The following ATP8B4 variants were observed in gnomAD, a reference collection of about 807,000 sequenced individuals.
The protein encoded by ATP8B4 is probable phospholipid-transporting ATPase IM.
Under a neutral mutation model 145.6 loss-of-function variants are expected in ATP8B4, and 133 were observed. The ratio of observed to expected loss-of-function variants is 0.91; its 90% confidence interval spans 0.79 to 1.05. The LOEUF is 1.05. ATP8B4 is among the 50% of genes least tolerant of loss of function. The pLI, the probability that ATP8B4 is intolerant of heterozygous loss-of-function variation, is 0.00. For missense variants in ATP8B4, 1,458 were observed against 1,425.2 expected, an observed-to-expected ratio of 1.02 and a Z score of -0.37; for synonymous variants, 507 against 492.9, an observed-to-expected ratio of 1.03 and a Z score of -0.38.
At chr15:50,047,541 C>G in intron 3 of ATP8B4, 77 bp from the exon 4 acceptor site, 1 of 899,790 alleles carries the variant, frequency 1.1e-6, no homozygotes, top group Non-Finnish European at 1.8e-6. Flanking sequence ...AACCTACAAG[C>G]CTGAGCCAGA....
intron 21 of ATP8B4, among the ~76,000 whole-genome samples, chr15:49,898,811 G>A (rs1368711441): frequency 6.6e-6 from 1 of 152,098 alleles, no homozygotes; most frequent in Non-Finnish European, 1.5e-5. Context: ...GCAAAAGGGG[G>A]GCACGCAAGC....
chr15:49,876,221 T>C (rs2034396420), intron 25 of ATP8B4, 57 bp downstream of exon 25: 2 of 1,566,944 alleles, frequency 1.3e-6, no homozygotes, highest in African/African-American at 1.4e-5. Flanking sequence ...CAATCAACAA[T>C]GAAATAGTAA....
chr15:49,957,892 A>C (rs1292684899), intron 14 of ATP8B4, among the ~76,000 whole-genome samples: 1 of 151,892 alleles, frequency 6.6e-6, no homozygotes, highest in African/African-American at 2.4e-5. Context: ...ACCTAAAAAA[A>C]TATAATTAAC....
intron 6 of ATP8B4, among the ~76,000 whole-genome samples, chr15:50,026,320 A>G (rs961638053): frequency 3.3e-5 from 5 of 152,220 alleles, no homozygotes; most frequent in African/African-American, 9.6e-5. Flanking sequence ...GTGGTACTCA[A>G]ACTTCAATGT....
At chr15:50,118,304 T>C (rs1020811888) in intron 1 of ATP8B4, among the ~76,000 whole-genome samples, 2 of 152,170 alleles carry the variant, frequency 1.3e-5, no homozygotes, top group African/African-American at 4.8e-5. Flanking sequence ...AAATATCACA[T>C]GTACCCCATA....
intron 26 of ATP8B4, 83 bp from the exon 27 acceptor site, chr15:49,862,458 T>C: frequency 1.4e-6 from 2 of 1,407,658 alleles, no homozygotes; most frequent in Non-Finnish European, 1.9e-6. Context: ...TCCTACAAGA[T>C]CTTTTTTTTT....
At chr15:50,080,835 C>T (rs1214127005) in intron 2 of ATP8B4, among the ~76,000 whole-genome samples, 1 of 151,978 alleles carries the variant, frequency 6.6e-6, no homozygotes, top group African/African-American at 2.4e-5. Context: ...CCTCATGGGC[C>T]GGGCGCAGTG....
intron 6 of ATP8B4, among the ~76,000 whole-genome samples, chr15:50,027,814 T>C (rs1191111671): frequency 1.3e-5 from 2 of 152,220 alleles, no homozygotes; most frequent in African/African-American, 2.4e-5. Context: ...ATTTTAAGTG[T>C]AATGAAATGT....
chr15:50,030,890 C>G (rs1385050437), intron 6 of ATP8B4, among the ~76,000 whole-genome samples: 2 of 152,120 alleles, frequency 1.3e-5, no homozygotes, highest in Non-Finnish European at 2.9e-5. Flanking sequence ...TGTATTCATG[C>G]AATATAATAA....
chr15:50,134,064 T>C (rs2044087846), intron 1 of ATP8B4, among the ~76,000 whole-genome samples: 1 of 152,214 alleles, frequency 6.6e-6, no homozygotes, highest in Non-Finnish European at 1.5e-5. Flanking sequence ...ACAATGTATA[T>C]GTATATCAAA....
intron 3 of ATP8B4, among the ~76,000 whole-genome samples, chr15:50,057,295 G>A (rs1311001924): frequency 6.6e-6 from 1 of 152,172 alleles, no homozygotes; most frequent in African/African-American, 2.4e-5. Context: ...AAAATCCAAT[G>A]AGCTGTGACT....
chr15:49,961,613 G>A (rs78994243), intron 14 of ATP8B4, among the ~76,000 whole-genome samples: 1,575 of 152,124 alleles, frequency 0.01, 15 homozygotes, highest in Non-Finnish European at 0.019. Context: ...TAAAAAGAAC[G>A]AGAAAGTACT....
chr15:50,046,697 A>G (rs1246650148), intron 4 of ATP8B4, among the ~76,000 whole-genome samples: 1 of 152,222 alleles, frequency 6.6e-6, no homozygotes, highest in Non-Finnish European at 1.5e-5. Flanking sequence ...ACTGGCTAAC[A>G]TGAACTATTT....
chr15:49,898,951 T>C (rs1038351117), intron 21 of ATP8B4, among the ~76,000 whole-genome samples: 9 of 152,206 alleles, frequency 5.9e-5, no homozygotes, highest in African/African-American at 2.2e-4. Context: ...TGCAATTTTT[T>C]TTTCCTAGAA....
intron 14 of ATP8B4, among the ~76,000 whole-genome samples, chr15:49,951,471 T>TA (rs1221811948): frequency 5.3e-5 from 8 of 152,230 alleles, no homozygotes; most frequent in East Asian, 1.9e-4. Flanking sequence ...GTCTTTTTTT[T>TA]ATCTTTCTTG....
chr15:49,929,293 G>C (rs2041031751), intron 16 of ATP8B4, among the ~76,000 whole-genome samples: 1 of 152,110 alleles, frequency 6.6e-6, no homozygotes, highest in Non-Finnish European at 1.5e-5. Flanking sequence ...TTTGCATTTA[G>C]TCTCCTCTTG....
At chr15:50,133,667 C>G (rs1286287041) in intron 1 of ATP8B4, among the ~76,000 whole-genome samples, 1 of 151,932 alleles carries the variant, frequency 6.6e-6, no homozygotes, top group Non-Finnish European at 1.5e-5. Flanking sequence ...TAAGCAGTTG[C>G]CAGGGGCTGG....
chr15:50,096,813 G>C (rs1280674528), intron 2 of ATP8B4, among the ~76,000 whole-genome samples: 1 of 152,164 alleles, frequency 6.6e-6, no homozygotes, highest in Non-Finnish European at 1.5e-5. Flanking sequence ...TGGAACCAAA[G>C]ATGATTTCCC....
At chr15:50,034,824 C>T (rs1055243678) in intron 6 of ATP8B4, among the ~76,000 whole-genome samples, 2 of 152,196 alleles carry the variant, frequency 1.3e-5, no homozygotes, top group Admixed American at 1.3e-4. Flanking sequence ...TTGCCCTTCA[C>T]CTGCCCAGTT....
Sources: allele counts gnomAD v4.1 joint callset (sites outside exome capture counted in the v4.1 genomes callset), GRCh38; gene constraint gnomAD v4.1.1; transcripts MANE v1.5; gene names NCBI Gene and HGNC (gene_info 2026-07-23, HGNC 2026-07-21).